The following GAS2 variants were observed in gnomAD, a reference collection of about 807,000 sequenced individuals.
GAS2 encodes growth arrest-specific protein 2.
In GAS2, 20 loss-of-function variants were observed where a neutral mutation model predicts 37.5. The observed-to-expected ratio is 0.53, with a 90% CI of 0.37 to 0.77. The LOEUF (loss-of-function observed/expected upper bound fraction) is 0.77. GAS2 is among the 30% of genes least tolerant of loss of function. GAS2 has a pLI of 0.00. For missense variants in GAS2, 336 were observed against 373.4 expected, an observed-to-expected ratio of 0.90 and a Z score of 0.82; for synonymous variants, 144 against 132.2, an observed-to-expected ratio of 1.09 and a Z score of -0.61.
chr11:22,719,432 A>G (rs1246045404), intron 3 of GAS2, among the ~76,000 whole-genome samples: 1 of 152,098 alleles, frequency 6.6e-6, no homozygotes, highest in Non-Finnish European at 1.5e-5. Context: ...AATTGAGTGG[A>G]AAGTACACCA....
At chr11:22,788,940 C>A (rs1855955565) in intron 7 of GAS2, among the ~76,000 whole-genome samples, 3 of 151,798 alleles carry the variant, frequency 2.0e-5, no homozygotes, top group African/African-American at 7.3e-5. Context: ...CAGTGTCTAC[C>A]AATTAGGTAA....
chr11:22,762,813 T>C (rs1309594641), intron 7 of GAS2, among the ~76,000 whole-genome samples: 1 of 152,182 alleles, frequency 6.6e-6, no homozygotes, highest in Non-Finnish European at 1.5e-5. Flanking sequence ...TAACTAGAAT[T>C]CTATAATAAG....
At chr11:22,634,661 C>G (rs1858796537) in intron 1 of GAS2, among the ~76,000 whole-genome samples, 1 of 152,172 alleles carries the variant, frequency 6.6e-6, no homozygotes, top group Admixed American at 6.5e-5. Context: ...TCTTCTGATT[C>G]TAGCCACCCA....
chr11:22,704,588 C>CATATATATATATATAT (rs3049395), intron 3 of GAS2, among the ~76,000 whole-genome samples: 1,332 of 90,342 alleles, frequency 0.015, 47 homozygotes, highest in East Asian at 0.034. Flanking sequence ...TGAAAATAAA[C>CATATATATATATATAT]ATATATATAT....
chr11:22,671,220 A>G (rs1439500784), intron 1 of GAS2, among the ~76,000 whole-genome samples: 2 of 152,096 alleles, frequency 1.3e-5, no homozygotes, highest in African/African-American at 4.8e-5. Flanking sequence ...AGAAAGAAAA[A>G]ATATATACAC....
At chr11:22,807,409 A>G (rs963620286) in intron 7 of GAS2, among the ~76,000 whole-genome samples, 5 of 152,224 alleles carry the variant, frequency 3.3e-5, no homozygotes, top group Non-Finnish European at 5.9e-5. Context: ...AGGAAGTTGC[A>G]TCTGTTTCTA....
At chr11:22,763,678 T>G (rs960468403) in intron 7 of GAS2, among the ~76,000 whole-genome samples, 4 of 150,872 alleles carry the variant, frequency 2.7e-5, no homozygotes, top group Non-Finnish European at 5.9e-5. Context: ...AATTTAGCAA[T>G]GTATGAGAAT....
At chr11:22,663,860 T>C (rs1434705719), upstream of GAS2, among the ~76,000 whole-genome samples, 3 of 152,186 alleles carry the variant, frequency 2.0e-5, no homozygotes, top group Non-Finnish European at 1.5e-5. Flanking sequence ...ATTAAAAAAC[T>C]ATAATTCAAA....
chr11:22,745,139 A>AAAG, intron 5 of GAS2, among the ~76,000 whole-genome samples: 1 of 151,444 alleles, frequency 6.6e-6, no homozygotes, highest in Admixed American at 6.6e-5. Flanking sequence ...AAAAAGAAAG[A>AAAG]AAAAAGCCCA....
intron 1 of GAS2, among the ~76,000 whole-genome samples, chr11:22,673,990 G>A (rs1248993197): frequency 6.6e-6 from 1 of 152,178 alleles, no homozygotes. Context: ...AGAGATTGTT[G>A]TAGCAATAGC....
At chr11:22,660,163 A>G (rs1053219176) in intron 1 of GAS2, among the ~76,000 whole-genome samples, 31 of 152,192 alleles carry the variant, frequency 2.0e-4, no homozygotes, top group African/African-American at 6.5e-4. Flanking sequence ...CTTCATTTTG[A>G]TACAAGTGCC....
chr11:22,632,774 G>C (rs1456261050), intron 1 of GAS2, among the ~76,000 whole-genome samples: 1 of 145,286 alleles, frequency 6.9e-6, no homozygotes, highest in Admixed American at 6.8e-5. Context: ...TTTTATTTTT[G>C]TGTGATTGGG....
At chr11:22,774,948 A>G (rs1855176413) in intron 7 of GAS2, among the ~76,000 whole-genome samples, 1 of 151,904 alleles carries the variant, frequency 6.6e-6, no homozygotes, top group Non-Finnish European at 1.5e-5. Context: ...CCCAGAAGTA[A>G]CAGAGGAGGA....
At chr11:22,660,437 C>T (rs754496461) in intron 1 of GAS2, among the ~76,000 whole-genome samples, 8 of 152,250 alleles carry the variant, frequency 5.3e-5, no homozygotes, top group Middle Eastern at 6.8e-3. Flanking sequence ...TTGCTATATG[C>T]CAAACAGTAA....
At chr11:22,760,856 A>T (rs1854355790) in intron 7 of GAS2, among the ~76,000 whole-genome samples, 1 of 152,202 alleles carries the variant, frequency 6.6e-6, no homozygotes, top group Admixed American at 6.5e-5. Flanking sequence ...ACAGTTAAAA[A>T]TTTGAGAATA....
At position 22,701,524 on chromosome 11, in the gene GAS2, TA is replaced by T. The variant is rs945065661; in HGVS notation, c.267+15745del. ...AATATATAGCTTGTGAGATCAAGCT[TA>T]AAAAAAAAATAGTTCGGAAAGGGCT... On this transcript the variant is annotated intron_variant, in intron 3 of 7. Coordinates refer to ENST00000454584, the MANE Select transcript of GAS2 (RefSeq NM_001143830.3). Among the ~76,000 whole-genome samples the T allele has an allele frequency of 6.3e-4, 94 of 149,236 alleles. 1 individual carries two copies. The East Asian group carries it at 0.012, about 20-fold the overall frequency.
At chr11:22,740,069 T>A (rs1464762954) in intron 5 of GAS2, among the ~76,000 whole-genome samples, 1 of 152,150 alleles carries the variant, frequency 6.6e-6, no homozygotes, top group Admixed American at 6.6e-5. Context: ...GCTGCCCAAT[T>A]AGAAAATGCC....
At chr11:22,760,065 C>T (rs1340114792) in intron 7 of GAS2, among the ~76,000 whole-genome samples, 1 of 152,132 alleles carries the variant, frequency 6.6e-6, no homozygotes, top group Admixed American at 6.5e-5. Flanking sequence ...TCAAGCGATT[C>T]TTGTGACACA....
chr11:22,681,511 G>C (rs762337562), intron 2 of GAS2, among the ~76,000 whole-genome samples: 66 of 152,252 alleles, frequency 4.3e-4, no homozygotes, highest in Non-Finnish European at 8.1e-4. Context: ...TCAAACCAAT[G>C]TCTTTACGGA....
Sources: allele counts gnomAD v4.1 joint callset (sites outside exome capture counted in the v4.1 genomes callset), GRCh38; gene constraint gnomAD v4.1.1; transcripts MANE v1.5; gene names NCBI Gene and HGNC (gene_info 2026-07-23, HGNC 2026-07-21).